The following UTS2 variants were observed in gnomAD, a reference collection of about 807,000 sequenced individuals.
UTS2 encodes the protein urotensin 2, also known as urotensin-2.
UTS2 carries 10 observed loss-of-function variants against 12.6 expected under a neutral mutation model. The ratio of observed to expected loss-of-function variants is 0.80; its 90% CI spans 0.49 to 1.35. The LOEUF (loss-of-function observed/expected upper bound fraction) is 1.35, where lower values mean the gene tolerates loss of function less well. Ranked by LOEUF, UTS2 falls within the 40% of genes most tolerant of loss-of-function variation. UTS2 has a pLI of 0.00. For synonymous variants in UTS2, 52 were observed against 50.0 expected, an observed-to-expected ratio of 1.04 and a Z score of -0.17; for missense variants, 142 against 143.2, an observed-to-expected ratio of 0.99 and a Z score of 0.04.
the UTS2 span, among the ~76,000 whole-genome samples, chr1:7,897,439 T>A: frequency 3.8e-3 from 584 of 152,304 alleles, 3 homozygotes; most frequent in Non-Finnish European, 5.3e-3. Flanking sequence ...TCCTTGAAAA[T>A]CCCTGTTGAG....
At chr1:7,849,337 C>G (rs542063456) in intron 3 of UTS2, among the ~76,000 whole-genome samples, 1 of 152,170 alleles carries the variant, frequency 6.6e-6, no homozygotes, top group South Asian at 2.1e-4. Context: ...GCCTCAGTCT[C>G]CCGAGTAGCT....
At chr1:7,872,859 G>A in the UTS2 span, among the ~76,000 whole-genome samples, 13 of 152,162 alleles carry the variant, frequency 8.5e-5, no homozygotes, top group African/African-American at 2.7e-4. Context: ...AGAAGATGCC[G>A]TCTAAGACTT....
intron 1 of UTS2, 21 bp downstream of exon 1, chr1:7,852,880 A>AG (rs747974349): frequency 6.3e-7 from 1 of 1,598,010 alleles, no homozygotes; most frequent in Non-Finnish European, 8.5e-7. Context: ...GACTAACATA[A>AG]GGGGAAAAAA....
At chr1:7,859,133 A>G in the UTS2 span, among the ~76,000 whole-genome samples, 1 of 152,214 alleles carries the variant, frequency 6.6e-6, no homozygotes, top group African/African-American at 2.4e-5. Context: ...AGGGCAGCTC[A>G]TATTCAACTG....
the UTS2 span, among the ~76,000 whole-genome samples, chr1:7,867,475 G>T: frequency 6.6e-6 from 1 of 152,210 alleles, no homozygotes; most frequent in African/African-American, 2.4e-5. Flanking sequence ...AGACACACAT[G>T]CACACGGAGA....
At chr1:7,880,512 A>G in the UTS2 span, among the ~76,000 whole-genome samples, 1 of 152,154 alleles carries the variant, frequency 6.6e-6, no homozygotes, top group South Asian at 2.1e-4. Context: ...AATACAAAGG[A>G]TCATTGGAGA....
chr1:7,860,077 T>C, the UTS2 span, among the ~76,000 whole-genome samples: 1 of 152,182 alleles, frequency 6.6e-6, no homozygotes, highest in Non-Finnish European at 1.5e-5. Flanking sequence ...TGTTATTCTC[T>C]CACTCATTCA....
At chr1:7,893,054 T>A in the UTS2 span, among the ~76,000 whole-genome samples, 2 of 152,228 alleles carry the variant, frequency 1.3e-5, no homozygotes, top group African/African-American at 4.8e-5. Context: ...TGCTCCTAGC[T>A]CGTAGCACAA....
rs1356117406 is a variant in UTS2 at position 7,847,663 on chromosome 1, T to C, written c.*103A>G. 2 of 877,840 alleles carry C rather than the reference T, an allele frequency of 2.3e-6. No individual in the cohort carries two copies. The highest frequency in any genetic ancestry group is 1.8e-6 in the Non-Finnish European group (1 of 547,074). The allele number at this position is 877,840 out of a possible 1,614,324, so 54.4% of individuals were successfully genotyped here. A position where few individuals can be genotyped will look rare whatever the true frequency, so the allele number is the denominator to read the frequency against. On this transcript the variant is annotated 3_prime_UTR_variant, in exon 4 of 4. Coordinates refer to ENST00000361696, the MANE Select transcript of UTS2 (RefSeq NM_006786.4). ...CCAGGTAACAATGAACAGGGTGTAG[T>C]TTGCCTAGTTTTTCTCCACACTGTT...
At chr1:7,881,488 A>G in the UTS2 span, among the ~76,000 whole-genome samples, 1 of 152,230 alleles carries the variant, frequency 6.6e-6, no homozygotes, top group Non-Finnish European at 1.5e-5. Flanking sequence ...CCATACACCA[A>G]TAATGAACTG....
the UTS2 span, among the ~76,000 whole-genome samples, chr1:7,908,278 CAG>C: frequency 7.1e-6 from 1 of 140,200 alleles, no homozygotes; most frequent in African/African-American, 2.7e-5. Context: ...GCCTGGGTGA[CAG>C]AGTGAGACTC....
chr1:7,865,923 A>C, the UTS2 span, among the ~76,000 whole-genome samples: 1 of 152,208 alleles, frequency 6.6e-6, no homozygotes, highest in African/African-American at 2.4e-5. Context: ...TGACAGAGTG[A>C]GACCCCGTCT....
At chr1:7,891,524 T>TAAGA in the UTS2 span, among the ~76,000 whole-genome samples, 368 of 74,278 alleles carry the variant, frequency 5.0e-3, 2 homozygotes, top group Admixed American at 6.6e-3. Flanking sequence ...AGACTCGATC[T>TAAGA]AAGAAAGAAA....
chr1:7,901,088 C>T, the UTS2 span, among the ~76,000 whole-genome samples: 2 of 152,116 alleles, frequency 1.3e-5, no homozygotes, highest in African/African-American at 2.4e-5. Flanking sequence ...TGGTAAGTTA[C>T]GTTTTTTCTA....
At position 7,847,725 on chromosome 1, in the gene UTS2, G is replaced by T. The variant is rs1578021938; in HGVS notation, c.*41C>A. 1 of 1,446,488 alleles carries T rather than the reference G, an allele frequency of 6.9e-7. No homozygotes were observed. Among genetic ancestry groups the T allele is most frequent in the Non-Finnish European group, 9.6e-7 (1 of 1,038,280 alleles). 89.6% of individuals were successfully genotyped at this position (1,446,488 alleles called of 1,614,324 possible). A position where few individuals can be genotyped will look rare whatever the true frequency, so the allele number is the denominator to read the frequency against. On this transcript the variant is annotated 3_prime_UTR_variant, in exon 4 of 4. Transcript: ENST00000361696. ...CATTGTGTTATTTTTCATATTCTAAGATGGGTGTTTCTGAGCTGACTAACA... is the reference window on the plus strand; with the variant it reads ...CATTGTGTTATTTTTCATATTCTAATATGGGTGTTTCTGAGCTGACTAACA...
the UTS2 span, among the ~76,000 whole-genome samples, chr1:7,899,118 C>G: frequency 2.0e-5 from 3 of 152,084 alleles, no homozygotes; most frequent in Admixed American, 6.6e-5. Flanking sequence ...TTTTAACAAC[C>G]AGATCTTGTG....
At position 7,851,032 on chromosome 1, in the gene UTS2, C is replaced by G. The variant is rs556637044; in HGVS notation, c.104-110G>C. 41 of 1,009,736 alleles carry G rather than the reference C, an allele frequency of 4.1e-5. 1 individual carries two copies. In the South Asian group the frequency reaches 5.6e-4, roughly 14 times the overall value. 62.5% of individuals were successfully genotyped at this position (1,009,736 alleles called of 1,614,324 possible). A position where few individuals can be genotyped will look rare whatever the true frequency, so the allele number is the denominator to read the frequency against. The stretch of plus-strand genomic sequence containing the variant: ...GATAGGGAGATGAACACTAGAAAAA[C>G]TTCCAACGCTGAGTTCATGACGTGT... On this transcript the variant is annotated intron_variant, in intron 1 of 3. Coordinates refer to ENST00000361696, the MANE Select transcript of UTS2 (RefSeq NM_006786.4).
chr1:7,868,854 G>A, the UTS2 span, among the ~76,000 whole-genome samples: 1 of 152,168 alleles, frequency 6.6e-6, no homozygotes, highest in East Asian at 1.9e-4. Context: ...GATCATGAGG[G>A]TGAGACCCCC....
At chr1:7,853,818 G>A (rs573342790), upstream of UTS2, among the ~76,000 whole-genome samples, 45 of 152,362 alleles carry the variant, frequency 3.0e-4, no homozygotes, top group Non-Finnish European at 5.7e-4. Context: ...CAGGCGTCCT[G>A]AAGTCTGCCT....
Sources: allele counts gnomAD v4.1 joint callset (sites outside exome capture counted in the v4.1 genomes callset), GRCh38; gene constraint gnomAD v4.1.1; transcripts MANE v1.5; gene names NCBI Gene and HGNC (gene_info 2026-07-23, HGNC 2026-07-21).